KMT2B: variants seen among roughly 807,000 people sequenced by gnomAD.
The protein encoded by KMT2B is histone-lysine N-methyltransferase 2B.
KMT2B carries 22 observed loss-of-function variants against 255.3 expected under a neutral mutation model. That is an observed-to-expected ratio of 0.09 (90% CI 0.06 to 0.12). KMT2B has a LOEUF of 0.12. Ranked by LOEUF, KMT2B falls within the 10% of genes least tolerant of loss-of-function variation. The probability of loss-of-function intolerance (pLI) is 1.00; values close to 1 mark genes in which losing one functional copy is unlikely to be tolerated. For missense variants in KMT2B, 3,149 were observed against 3,737.0 expected (o/e 0.84, Z 4.10); for synonymous variants, 1,730 against 1,498.1 (o/e 1.15, Z -3.57).
Position 35,729,049 on chromosome 19 carries a change from C to T in KMT2B, c.4752C>T (p.Cys1584=), listed in dbSNP as rs770832031. ...AGGACCCCCGTCAGTGTGCACTCTG[C>T]CTCAAATACGGGGATGCAGACTCCA... ...HLEDPRQCAL[C]LKYGDADSKE... Residue 1584 remains cysteine, a synonymous_variant, in exon 21 of 37, where the codon TGC becomes TGT. Coordinates refer to ENST00000420124, the MANE Select transcript of KMT2B (RefSeq NM_014727.3). The T allele has an allele frequency of 1.0e-4, 163 of 1,613,896 alleles. No homozygotes were observed. The Admixed American group carries it at 2.6e-3, about 26-fold the overall frequency.
Position 35,725,405 on chromosome 19 carries a change from C to T in KMT2B, c.3642+72C>T, listed in dbSNP as rs1969395099. On this transcript the variant is annotated intron_variant, in intron 11 of 36. Coordinates refer to ENST00000420124, the MANE Select transcript of KMT2B (RefSeq NM_014727.3). This position sits in a 1 kb window ranked among gnomAD's most constrained non-coding sequence, Gnocchi z 4.1. ...CTCACGGCCTGATTCCTTGGGCCCT[C>T]TCAGCTGGGTCTCATCCCTTGGCCC... 1 of 1,583,276 alleles carries T rather than the reference C, an allele frequency of 6.3e-7. No individual in the cohort carries two copies. Among genetic ancestry groups the T allele is most frequent in the Non-Finnish European group, 8.6e-7 (1 of 1,163,564 alleles).
Position 35,732,885 on chromosome 19 carries a change from A to G in KMT2B, c.6336A>G (p.Glu2112=). The part of the protein sequence containing the change: ...RARPPEDLPS[E]IVDFVLKNLG... ...GGCCTCCTGAGGACCTGCCATCGGA[A>G]ATTGTGGATTTTGTGTTGAAGAACC... Residue 2112 remains glutamate, a synonymous_variant, in exon 28 of 37, where the codon GAA becomes GAG. Transcript: ENST00000420124. 6.2e-7 allele frequency: 1 copy of G among 1,610,366 alleles called. No homozygotes were observed.
chr19:35,732,164 G>T, intron 27 of KMT2B, 29 bp downstream of exon 27: 1 of 1,569,398 alleles, frequency 6.4e-7, no homozygotes, highest in Non-Finnish European at 8.7e-7. Context: ...GGGGTTGGGG[G>T]TGGAGCCGCG....
chr19:35,730,719 G>T lies in KMT2B; in HGVS notation c.5289G>T (p.Leu1763=). ...LFPIGYQCSR[L]YWSTVDARRR... Reference sequence around the variant, plus strand: ...TCCCACATGCCAGGTGCTCCCGTCTGTACTGGAGCACAGTGGATGCTCGGA... The same window carrying T: ...TCCCACATGCCAGGTGCTCCCGTCTTTACTGGAGCACAGTGGATGCTCGGA... Residue 1763 remains leucine (L), a synonymous_variant, in exon 26 of 37, where the codon CTG becomes CTT. Coordinates refer to ENST00000420124, the MANE Select transcript of KMT2B (RefSeq NM_014727.3). 6.2e-7 allele frequency: 1 copy of T among 1,613,938 alleles called. No homozygotes were observed. Among genetic ancestry groups the T allele is most frequent in the Non-Finnish European group, 8.5e-7 (1 of 1,179,898 alleles).
In KMT2B at chr19:35,732,975, G is replaced by A; in HGVS notation, c.6426G>A (p.Leu2142=). The A allele has an allele frequency of 6.2e-7, 1 of 1,603,250 alleles. No individual in the cohort carries two copies. Among genetic ancestry groups the A allele is most frequent in the South Asian group, 1.1e-5 (1 of 89,516 alleles). The stretch of plus-strand genomic sequence containing the variant: ...AGTCACTCCCCCCGGCGCCTCCCCT[G>A]GCTAATGGCAGCCAGCCCTCCCAAG... ...REESLPPAPP[L]ANGSQPSQGL... is the part of the protein sequence containing the mutation. The change falls in exon 28 of 37, where the codon CTG becomes CTA. Residue 2142 remains leucine (L), a synonymous_variant. Coordinates refer to ENST00000420124, the MANE Select transcript of KMT2B (RefSeq NM_014727.3).
At position 35,738,248 on chromosome 19, in the gene KMT2B, C is replaced by T. The variant is rs775731722; in HGVS notation, c.7873-34C>T. ...GGTGAAGCGAGCCTGTCCGCGGGGA[C>T]AGAGCACCTGATCTCCCCACCTCAT... On this transcript the variant is annotated intron_variant, in intron 36 of 36. Transcript: ENST00000420124. The surrounding 1 kb of genome is among the most constrained non-coding windows in gnomAD (Gnocchi z 8.7). 21 of 1,592,960 alleles carry T rather than the reference C, an allele frequency of 1.3e-5. No individual in the cohort carries two copies. Among genetic ancestry groups the T allele is most frequent in the Non-Finnish European group, 1.7e-5 (20 of 1,161,500 alleles).
At position 35,737,039 on chromosome 19, in the gene KMT2B, C is replaced by A. The variant is rs528758633; in HGVS notation, c.7373-47C>A. 6.2e-7 allele frequency: 1 copy of A among 1,609,960 alleles called. No homozygotes were observed. The highest frequency in any genetic ancestry group is 1.3e-5 in the African/African-American group (1 of 74,870). On this transcript the variant is annotated intron_variant, in intron 32 of 36. Transcript: ENST00000420124. This position sits in a 1 kb window ranked among gnomAD's most constrained non-coding sequence, Gnocchi z 5.3. ...GGAGCTGGATGTCTCCCCGAGGGCA[C>A]CATGGGCCCTCCACATGACAGGTGT...
chr19:35,720,871 A>G lies in KMT2B; in HGVS notation c.1524A>G (p.Glu508=), dbSNP rs376336021. 23 of 1,591,716 alleles carry G rather than the reference A, an allele frequency of 1.4e-5. No homozygotes were observed. The highest frequency in any genetic ancestry group is 5.4e-5 in the African/African-American group (4 of 74,008). The change falls in exon 3 of 37, where the codon GAA becomes GAG. Residue 508 remains glutamate (E), a synonymous_variant. Transcript: ENST00000420124. The stretch of plus-strand genomic sequence containing the variant: ...GCACCGCCACGGGAGGCCCTCCGGA[A>G]GACAGTCCCACCGTGGCCCCCAAAA... ...TPSTATGGPP[E]DSPTVAPKST...
rs1050214389 is a variant in KMT2B, at chr19:35,720,770, A to G, written c.1423A>G (p.Thr475Ala). 2 of 1,476,942 alleles carry G rather than the reference A, an allele frequency of 1.4e-6. No individual in the cohort carries two copies. Among genetic ancestry groups the G allele is most frequent in the Non-Finnish European group, 1.8e-6 (2 of 1,110,952 alleles). The allele number at this position is 1,476,942 out of a possible 1,614,324, so 91.5% of individuals were successfully genotyped here. A position where few individuals can be genotyped will look rare whatever the true frequency, so the allele number is the denominator to read the frequency against. Residue 475 changes from threonine to alanine, a missense_variant, in exon 3 of 37, where the codon ACT (threonine) becomes GCT (alanine). Thr to Ala is a moderately conservative substitution (Grantham distance 58). Around this residue, in one of 18 missense-constraint regions of KMT2B, gnomAD observed 1,188 missense variants for 1,106.4 expected, o/e 1.07. Transcript: ENST00000420124. Reference sequence around the variant, plus strand: ...CAGGAAGAGGGGCCGGCCTCCCCTGACTCCCAGCCAGCGGGCGGAGCGGGA... The same window carrying G: ...CAGGAAGAGGGGCCGGCCTCCCCTGGCTCCCAGCCAGCGGGCGGAGCGGGA... Reference protein sequence around the residue: ...CSRKRGRPPLTPSQRAEREAA... With the variant: ...CSRKRGRPPLAPSQRAEREAA...
At chr19:35,722,874 G>T in intron 5 of KMT2B, 121 bp from the exon 6 acceptor site, 2 of 1,411,370 alleles carry the variant, frequency 1.4e-6, no homozygotes. Flanking sequence ...AACTTCATTT[G>T]GGGGCACCAG....
Position 35,729,414 on chromosome 19 carries a change from G to T in KMT2B, c.4917+118G>T, listed in dbSNP as rs115625336. On this transcript the variant is annotated intron_variant, in intron 22 of 36. Transcript: ENST00000420124. ...GGCATCCTTTCACTGCCAGGCTGAG[G>T]TCTCTTGGTTGCCCTGGGACGTTGG... 1.2e-3 allele frequency: 1,625 copies of T among 1,375,946 alleles called. 16 individuals are homozygous for T. The African/African-American group carries it at 0.021, about 17-fold the overall frequency. The allele number at this position is 1,375,946 out of a possible 1,614,324, so 85.2% of individuals were successfully genotyped here.
chr19:35,719,670 G>C, intron 2 of KMT2B, 114 bp from the exon 3 acceptor site: 2 of 1,518,398 alleles, frequency 1.3e-6, no homozygotes, highest in Non-Finnish European at 1.8e-6. Flanking sequence ...GTCCAAGCTA[G>C]TCTGGGCAGC....
intron 5 of KMT2B, 130 bp downstream of exon 5, chr19:35,722,848 T>C: frequency 7.1e-7 from 1 of 1,416,988 alleles, no homozygotes; most frequent in Non-Finnish European, 9.4e-7. Context: ...TGGGCTGGAG[T>C]GCTAGGTCCT....
intron 30 of KMT2B, among the ~76,000 whole-genome samples, chr19:35,734,293 T>G (rs1599699120): frequency 6.7e-6 from 1 of 148,492 alleles, no homozygotes. Flanking sequence ...GGGAAGGGAG[T>G]CGTCACATCT....
rs557609971 is a variant in KMT2B at position 35,727,325 on chromosome 19, C to T, written c.4117+56C>T. ...TCAACCCTGTGGGGACCCCTGCCCC[C>T]ACCACAGGCCCCAAGAGGACTGGTG... On this transcript the variant is annotated intron_variant, in intron 15 of 36. Coordinates refer to ENST00000420124, the MANE Select transcript of KMT2B (RefSeq NM_014727.3). This position sits in a 1 kb window ranked among gnomAD's most constrained non-coding sequence, Gnocchi z 4.2. 3.2e-6 allele frequency: 5 copies of T among 1,572,272 alleles called. No homozygotes were observed. Among genetic ancestry groups the T allele is most frequent in the Non-Finnish European group, 4.4e-6 (5 of 1,143,026 alleles).
intron 30 of KMT2B, among the ~76,000 whole-genome samples, chr19:35,734,107 G>T (rs533352149): frequency 1.3e-5 from 2 of 152,294 alleles, no homozygotes; most frequent in South Asian, 4.1e-4. Flanking sequence ...TGTCCAGCAT[G>T]CCCAAGAGCC....
rs947003480 is a variant in KMT2B at position 35,725,896 on chromosome 19, C to A, written c.3885+78C>A. 17 of 1,215,090 alleles carry A rather than the reference C, an allele frequency of 1.4e-5. No homozygotes were observed. Among genetic ancestry groups the A allele is most frequent in the Admixed American group, 4.0e-5 (2 of 49,968 alleles). 75.3% of individuals were successfully genotyped at this position (1,215,090 alleles called of 1,614,324 possible). A position where few individuals can be genotyped will look rare whatever the true frequency, so the allele number is the denominator to read the frequency against. ...CCCCCAAACTTGCTCTAGGCTGGGG[C>A]TCTCAGGAGGAGCAGAGGTTGGGGA... On this transcript the variant is annotated intron_variant, in intron 13 of 36. Coordinates refer to ENST00000420124, the MANE Select transcript of KMT2B (RefSeq NM_014727.3). This position sits in a 1 kb window ranked among gnomAD's most constrained non-coding sequence, Gnocchi z 4.1.
intron 19 of KMT2B, 110 bp from the exon 20 acceptor site, chr19:35,728,664 C>A: frequency 1.3e-6 from 1 of 768,612 alleles, no homozygotes; most frequent in Non-Finnish European, 2.3e-6. Context: ...AGAAATTCCA[C>A]ATAGAGAGGG....
At position 35,737,252 on chromosome 19, in the gene KMT2B, G is replaced by A. The variant is rs371742741; in HGVS notation, c.7539G>A (p.Glu2513=). 3.3e-6 allele frequency: 5 copies of A among 1,531,908 alleles called. No homozygotes were observed. In the African/African-American group the frequency reaches 4.1e-5, roughly 13 times the overall value. The allele number at this position is 1,531,908 out of a possible 1,614,324, so 94.9% of individuals were successfully genotyped here. The part of the protein sequence containing the change: ...PLNPHGAARA[E]VYLRKCTFDM... ...ATCCCCATGGGGCTGCTCGGGCAGAGGTCTATCTCCGGTGAGAGGTCTGGG... is the reference window on the plus strand; with the variant it reads ...ATCCCCATGGGGCTGCTCGGGCAGAAGTCTATCTCCGGTGAGAGGTCTGGG... Residue 2513 remains glutamate, a synonymous_variant, in exon 33 of 37, where the codon GAG becomes GAA. Coordinates refer to ENST00000420124, the MANE Select transcript of KMT2B (RefSeq NM_014727.3). The surrounding 1 kb of genome is among the most constrained non-coding windows in gnomAD (Gnocchi z 5.3).
Sources: gnomAD v4.1 joint callset for allele counts (sites outside exome capture counted in the v4.1 genomes callset) on GRCh38, gnomAD v4.1.1 for gene constraint, gnomAD v4.1.1 regional missense constraint, Gnocchi (gnomAD v3.1) non-coding constraint, MANE v1.5 for transcripts, NCBI Gene and HGNC (gene_info 2026-07-23, HGNC 2026-07-21) for gene names.